Variants in CD300LG observed in about 807,000 individuals in gnomAD.
CD300LG encodes CD300 molecule like family member g.
Under a neutral mutation model 31.5 loss-of-function variants are expected in CD300LG, and 29 were observed. The ratio of observed to expected loss-of-function variants is 0.92; its 90% confidence interval spans 0.68 to 1.25. CD300LG has a LOEUF of 1.25. CD300LG is among the 50% of genes most tolerant of loss of function. The pLI, the probability that CD300LG is intolerant of heterozygous loss-of-function variation, is 0.00. For synonymous variants in CD300LG, 175 were observed against 177.2 expected (o/e 0.99, Z 0.10); for missense variants, 396 against 417.6 (o/e 0.95, Z 0.45).
intron 3 of CD300LG, 60 bp from the exon 4 acceptor site, chr17:43,853,747 C>A: frequency 2.1e-6 from 3 of 1,406,104 alleles, no homozygotes; most frequent in East Asian, 2.3e-5. Context: ...GGTCAGAAGT[C>A]AGGGATGCTG....
Position 43,848,892 on chromosome 17 carries a change from A to C in CD300LG, c.378A>C (p.Pro126=). 1.2e-6 allele frequency: 2 copies of C among 1,605,560 alleles called. No individual in the cohort carries two copies. Among genetic ancestry groups the C allele is most frequent in the Non-Finnish European group, 1.7e-6 (2 of 1,172,944 alleles). ...ESLLISLFVF[P]GPCCPPSPSP... Reference sequence around the variant, plus strand: ...TACTGATCTCTCTGTTCGTCTTTCCAGGTAACAGATATCTCTCCTTCCCCA... The same window carrying C: ...TACTGATCTCTCTGTTCGTCTTTCCCGGTAACAGATATCTCTCCTTCCCCA... Residue 126 remains proline, a splice_region_variant and synonymous_variant, in exon 2 of 7, where the codon CCA becomes CCC. Transcript: ENST00000317310.
rs4792921 is a variant in CD300LG, at chr17:43,852,739, T to C, written c.380-173T>C. ...GCGCGAGGCCAGGGGGCTGCAGGAG[T>C]AGAAGACCAGGGATCTGCTGGAACC... On this transcript the variant is annotated intron_variant, in intron 2 of 6. Coordinates refer to ENST00000317310, the MANE Select transcript of CD300LG (RefSeq NM_145273.4). 9.9e-5 allele frequency among the ~76,000 whole-genome samples: 15 copies of C among 151,992 alleles called. 1 individual carries two copies. Among genetic ancestry groups the C allele is most frequent in the Middle Eastern group, 6.8e-3 (2 of 292 alleles).
chr17:43,854,103 T>A (rs1598396375), intron 4 of CD300LG, 59 bp downstream of exon 4: 1 of 1,322,756 alleles, frequency 7.6e-7, no homozygotes. Context: ...AAGGTGCCTT[T>A]GAGAAAATAG....
At position 43,848,576 on chromosome 17, in the gene CD300LG, G is replaced by T. The variant is rs1369730904; in HGVS notation, c.62G>T (p.Gly21Val). ...ATTTTAGGTTATGAAGCCCTGGAGGGCCCAGAGGAAATCAGCGGGTTCGAA... is the reference window on the plus strand; with the variant it reads ...ATTTTAGGTTATGAAGCCCTGGAGGTCCCAGAGGAAATCAGCGGGTTCGAA... ...LLLPGYEALEGPEEISGFEGD... is the reference protein window; with the variant it reads ...LLLPGYEALEVPEEISGFEGD... The change falls in exon 2 of 7, where the codon GGC becomes GTC. Residue 21 changes from glycine (G) to valine (V), a missense_variant. Physicochemically the swap from Gly to Val is moderately radical, Grantham distance 109. Coordinates refer to ENST00000317310, the MANE Select transcript of CD300LG (RefSeq NM_145273.4). 1 of 1,613,882 alleles carries T rather than the reference G, an allele frequency of 6.2e-7. No individual in the cohort carries two copies. Among genetic ancestry groups the T allele is most frequent in the South Asian group, 1.1e-5 (1 of 91,064 alleles).
intron 2 of CD300LG, chr17:43,849,101 A>G: frequency 1.7e-6 from 1 of 603,832 alleles, no homozygotes; most frequent in South Asian, 2.0e-5. Flanking sequence ...AGGTCACACC[A>G]GTAGTAGATG....
intron 6 of CD300LG, chr17:43,857,645 A>T: frequency 8.7e-7 from 1 of 1,144,436 alleles, no homozygotes; most frequent in Non-Finnish European, 1.3e-6. Flanking sequence ...GGACTCTGGC[A>T]GTGCTACAAA....
chr17:43,854,927 G>A (rs1275303667), intron 4 of CD300LG, among the ~76,000 whole-genome samples: 1 of 152,136 alleles, frequency 6.6e-6, no homozygotes, highest in Non-Finnish European at 1.5e-5. Flanking sequence ...GACACCCTGG[G>A]AGGTTTAGTC....
At chr17:43,848,394 CA>C (rs2046246623) in intron 1 of CD300LG, among the ~76,000 whole-genome samples, 163 bp from the exon 2 acceptor site, 1 of 152,184 alleles carries the variant, frequency 6.6e-6, no homozygotes, top group Non-Finnish European at 1.5e-5. Context: ...AGCCCTGCCC[CA>C]AGTTCCCCCA....
rs940105202 is a variant in CD300LG, at chr17:43,852,644, C to T, written c.380-268C>T. On this transcript the variant is annotated intron_variant, in intron 2 of 6. Transcript: ENST00000317310. ...TCCAACACAGACTTTTGAGACAAAA[C>T]TGGAGTAGTGTGAAGGGTGGCAGGG... is the stretch of plus-strand genomic sequence containing the variant. Among the ~76,000 whole-genome samples the T allele has an allele frequency of 2.0e-5, 3 of 152,306 alleles. 1 individual carries two copies. In the South Asian group the frequency reaches 6.2e-4, roughly 32 times the overall value.
chr17:43,847,296 C>G, intron 1 of CD300LG, 37 bp downstream of exon 1: 1 of 1,610,156 alleles, frequency 6.2e-7, no homozygotes, highest in Non-Finnish European at 8.5e-7. Context: ...GGATGTGGGG[C>G]TCACCCTTGT....
At chr17:43,858,938 G>A (rs554481396) in intron 6 of CD300LG, among the ~76,000 whole-genome samples, 5 of 152,274 alleles carry the variant, frequency 3.3e-5, no homozygotes, top group Admixed American at 6.5e-5. Flanking sequence ...CACCTACTAC[G>A]TGTCAGGGGC....
chr17:43,848,874 C>G lies in CD300LG; in HGVS notation c.360C>G (p.Ile120Met). The change falls in exon 2 of 7, where the codon ATC becomes ATG. Residue 120 changes from isoleucine to methionine, a missense_variant. Ile to Met is a conservative substitution (Grantham distance 10). Transcript: ENST00000317310. Reference sequence around the variant, plus strand: ...GGGGCCCCGATGAGTCTTTACTGATCTCTCTGTTCGTCTTTCCAGGTAACA... The same window carrying G: ...GGGGCCCCGATGAGTCTTTACTGATGTCTCTGTTCGTCTTTCCAGGTAACA... ...EKRGPDESLL[I>M]SLFVFPGPCC... 1 of 1,611,166 alleles carries G rather than the reference C, an allele frequency of 6.2e-7. No individual in the cohort carries two copies. Among genetic ancestry groups the G allele is most frequent in the African/African-American group, 1.3e-5 (1 of 74,936 alleles).
chr17:43,854,620 T>C (rs1391024681), intron 4 of CD300LG, among the ~76,000 whole-genome samples: 4 of 152,082 alleles, frequency 2.6e-5, no homozygotes, highest in Admixed American at 2.6e-4. Context: ...AGAAAGGACA[T>C]GGCTTGACTC....
chr17:43,853,824 C>T lies in CD300LG; in HGVS notation c.499C>T (p.Pro167Ser). ...ACTTGTAGCTTCTCCTGGGCTCTAC[C>T]CGGCAGCCACCACAGCCAAGCAGGG... Reference protein sequence around the residue: ...PPGLTSPGLYPAATTAKQGKT... With the variant: ...PPGLTSPGLYSAATTAKQGKT... The change falls in exon 4 of 7, where the codon CCG becomes TCG. Residue 167 changes from proline to serine, a missense_variant. Transcript: ENST00000317310. 6.2e-7 allele frequency: 1 copy of T among 1,613,846 alleles called. No homozygotes were observed.
intron 6 of CD300LG, chr17:43,858,029 C>A: frequency 6.9e-7 from 1 of 1,444,722 alleles, no homozygotes; most frequent in Non-Finnish European, 9.0e-7. Context: ...GCAACAGAAG[C>A]CCCTCCTGGC....
chr17:43,853,446 G>A (rs1188239508), intron 3 of CD300LG, among the ~76,000 whole-genome samples: 1 of 152,186 alleles, frequency 6.6e-6, no homozygotes, highest in Non-Finnish European at 1.5e-5. Flanking sequence ...TGGTGAGGAA[G>A]GAGGTGACAA....
At chr17:43,852,300 T>A (rs2046383082) in intron 2 of CD300LG, among the ~76,000 whole-genome samples, 1 of 151,594 alleles carries the variant, frequency 6.6e-6, no homozygotes, top group Admixed American at 6.6e-5. Context: ...CCGCAACCTC[T>A]CCCTCCCGGG....
At chr17:43,856,054 G>T (rs1415865654) in intron 5 of CD300LG, among the ~76,000 whole-genome samples, 3 of 152,122 alleles carry the variant, frequency 2.0e-5, no homozygotes, top group African/African-American at 7.2e-5. Context: ...CGATCCTCCT[G>T]CCTCAGCCTC....
intron 1 of CD300LG, among the ~76,000 whole-genome samples, chr17:43,848,197 G>A (rs963444675): frequency 5.9e-5 from 9 of 152,072 alleles, no homozygotes; most frequent in African/African-American, 1.7e-4. Context: ...AGCAGACATC[G>A]GGCCACTGCA....
Sources: allele counts gnomAD v4.1 joint callset (sites outside exome capture counted in the v4.1 genomes callset), GRCh38; gene constraint gnomAD v4.1.1; transcripts MANE v1.5; gene names NCBI Gene and HGNC (gene_info 2026-07-23, HGNC 2026-07-21).